Variants in SIPA1L1 observed in about 807,000 individuals in gnomAD.
SIPA1L1 encodes signal induced proliferation associated 1 like 1.
SIPA1L1 carries 26 observed loss-of-function variants against 162.7 expected under a neutral mutation model. The ratio of observed to expected loss-of-function variants is 0.16; its 90% CI spans 0.12 to 0.22. SIPA1L1 has a LOEUF of 0.22. SIPA1L1 is among the 10% of genes least tolerant of loss of function. SIPA1L1 has a pLI of 1.00. For missense variants in SIPA1L1, 1,874 were observed against 2,241.0 expected (o/e 0.84, Z 3.31); for synonymous variants, 829 against 837.4 (o/e 0.99, Z 0.17).
At chr14:71,683,703 ATATTAGAGAAAAGGTTC>A (rs2046013992) in intron 12 of SIPA1L1, among the ~76,000 whole-genome samples, 2 of 152,234 alleles carry the variant, frequency 1.3e-5, no homozygotes, top group South Asian at 4.1e-4. Context: ...GTATTCGTTA[ATATTAGAGAAAAGGTTC>A]TATTAGAGAA....
intron 4 of SIPA1L1, among the ~76,000 whole-genome samples, chr14:71,535,485 A>G (rs1439184215): frequency 6.6e-6 from 1 of 152,202 alleles, no homozygotes; most frequent in Admixed American, 6.5e-5. Flanking sequence ...GAATAATAAC[A>G]TACTTTTAAA....
intron 5 of SIPA1L1, among the ~76,000 whole-genome samples, chr14:71,614,428 A>C (rs867281602): frequency 1.7e-4 from 26 of 152,306 alleles, no homozygotes; most frequent in African/African-American, 6.0e-4. Context: ...TATTGTAAAA[A>C]TAATTTTTTT....
intron 2 of SIPA1L1, among the ~76,000 whole-genome samples, chr14:71,458,411 G>A (rs1233562877): frequency 2.0e-5 from 3 of 152,080 alleles, no homozygotes; most frequent in Non-Finnish European, 4.4e-5. Context: ...TAACATTTTT[G>A]TCAAAACCTT....
intron 4 of SIPA1L1, among the ~76,000 whole-genome samples, chr14:71,547,270 T>G (rs2055311355): frequency 6.6e-6 from 1 of 151,866 alleles, no homozygotes. Context: ...TTCATAAGAT[T>G]CGTCACTTAA....
intron 2 of SIPA1L1, among the ~76,000 whole-genome samples, chr14:71,324,577 A>C (rs1182883786): frequency 6.6e-6 from 1 of 152,222 alleles, no homozygotes; most frequent in South Asian, 2.1e-4. Flanking sequence ...TTAAATGACA[A>C]AGTTACAGAA....
At position 71,587,863 on chromosome 14, in the gene SIPA1L1, C is replaced by T; in HGVS notation, c.-10C>T. The T allele has an allele frequency of 6.3e-7, 1 of 1,594,802 alleles. No individual in the cohort carries two copies. The highest frequency in any genetic ancestry group is 8.6e-7 in the Non-Finnish European group (1 of 1,164,738). On this transcript the variant is annotated 5_prime_UTR_variant, in exon 5 of 24. Coordinates refer to ENST00000381232, the MANE Select transcript of SIPA1L1 (RefSeq NM_001386936.1). ...TGCTGCAGGGATTTAAGTCTACTTG[C>T]TTTTACATCATGACCAGCTTGAAAC...
intron 2 of SIPA1L1, among the ~76,000 whole-genome samples, chr14:71,499,705 A>T (rs150254714): frequency 1.4e-3 from 210 of 152,330 alleles, no homozygotes; most frequent in Non-Finnish European, 2.5e-3. Context: ...TAATTTTAGT[A>T]ATGAGATATT....
chr14:71,464,347 A>G lies in SIPA1L1; in HGVS notation c.-464-48396A>G, dbSNP rs769706465. The stretch of plus-strand genomic sequence containing the variant: ...TCTTAACTCCCCGAGCTGCAACATT[A>G]AAAGCAGAGTCCCGGCCAGGCATGG... On this transcript the variant is annotated intron_variant, in intron 2 of 23. Coordinates refer to ENST00000381232, the MANE Select transcript of SIPA1L1 (RefSeq NM_001386936.1). Among the ~76,000 whole-genome samples, 5 of 152,216 alleles carry G rather than the reference A, an allele frequency of 3.3e-5. No homozygotes were observed. In the East Asian group the frequency reaches 9.6e-4, roughly 29 times the overall value.
chr14:71,620,427 G>C (rs144042176), intron 6 of SIPA1L1, among the ~76,000 whole-genome samples: 3 of 152,164 alleles, frequency 2.0e-5, no homozygotes, highest in African/African-American at 7.2e-5. Flanking sequence ...TTTGTCTTTC[G>C]CATTCTCTTC....
intron 10 of SIPA1L1, among the ~76,000 whole-genome samples, chr14:71,664,314 A>T (rs906725595): frequency 6.6e-6 from 1 of 152,180 alleles, no homozygotes; most frequent in Non-Finnish European, 1.5e-5. Context: ...AAAAACTTAG[A>T]CATGGGTTGA....
intron 17 of SIPA1L1, among the ~76,000 whole-genome samples, chr14:71,715,406 C>A (rs925693057): frequency 6.6e-6 from 1 of 152,208 alleles, no homozygotes; most frequent in Non-Finnish European, 1.5e-5. Context: ...CTTACTATTG[C>A]ATCTTTCAGT....
intron 2 of SIPA1L1, among the ~76,000 whole-genome samples, chr14:71,446,048 T>G (rs2141349341): frequency 6.6e-6 from 1 of 152,226 alleles, no homozygotes; most frequent in South Asian, 2.1e-4. Context: ...GGAATCTCAC[T>G]GTGTTGCCCA....
intron 2 of SIPA1L1, among the ~76,000 whole-genome samples, chr14:71,323,974 A>T (rs2033478646): frequency 6.6e-6 from 1 of 152,198 alleles, no homozygotes; most frequent in Non-Finnish European, 1.5e-5. Context: ...AAATAATGTA[A>T]CCTAGAATTT....
intron 17 of SIPA1L1, among the ~76,000 whole-genome samples, chr14:71,722,809 C>T (rs1456611344): frequency 2.0e-5 from 3 of 152,180 alleles, no homozygotes; most frequent in African/African-American, 7.2e-5. Flanking sequence ...GATCTTGGCT[C>T]ACCACAACTT....
At chr14:71,716,864 T>C (rs1045871238) in intron 17 of SIPA1L1, among the ~76,000 whole-genome samples, 6 of 152,228 alleles carry the variant, frequency 3.9e-5, no homozygotes, top group Admixed American at 6.5e-5. Context: ...GATGAGAAGT[T>C]TGGACAGATT....
intron 4 of SIPA1L1, among the ~76,000 whole-genome samples, chr14:71,559,769 A>G: frequency 6.6e-6 from 1 of 152,200 alleles, no homozygotes; most frequent in Non-Finnish European, 1.5e-5. Context: ...AAAATTTCCA[A>G]AAGCATGTTT....
In SIPA1L1 at chr14:71,723,849, G is replaced by A. The variant is rs771042726; in HGVS notation, c.4411G>A (p.Gly1471Arg). ...KYLIGWKKPEGTINSVGFMDT... is the reference protein window; with the variant it reads ...KYLIGWKKPERTINSVGFMDT... The stretch of plus-strand genomic sequence containing the variant: ...CCTGATTGGATGGAAAAAACCCGAA[G>A]GAACCATAAACTCCGTGGGATTTAT... The change falls in exon 18 of 24, where the codon GGA (glycine) becomes AGA (arginine). Residue 1471 changes from glycine (G) to arginine (R), a missense_variant. Around this residue, in one of 5 missense-constraint regions of SIPA1L1, gnomAD observed 936 missense variants for 1,051.9 expected, o/e 0.89. Transcript: ENST00000381232. The A allele has an allele frequency of 1.2e-6, 2 of 1,614,082 alleles. No individual in the cohort carries two copies. Among genetic ancestry groups the A allele is most frequent in the South Asian group, 1.1e-5 (1 of 91,084 alleles).
chr14:71,485,359 G>A (rs1210030688), intron 2 of SIPA1L1, among the ~76,000 whole-genome samples: 2 of 152,198 alleles, frequency 1.3e-5, no homozygotes, highest in Admixed American at 1.3e-4. Context: ...GGTGAGCAGT[G>A]AGCAGGCAAG....
chr14:71,733,910 T>G, intron 21 of SIPA1L1, 98 bp downstream of exon 21: 1 of 1,258,754 alleles, frequency 7.9e-7, no homozygotes. Context: ...AAAACATATG[T>G]GCCTCACCAG....
Sources: allele counts gnomAD v4.1 joint callset (sites outside exome capture counted in the v4.1 genomes callset), GRCh38; gene constraint gnomAD v4.1.1; regional missense constraint gnomAD v4.1.1; transcripts MANE v1.5; gene names NCBI Gene and HGNC (gene_info 2026-07-23, HGNC 2026-07-21).